CASD1: variants seen among roughly 807,000 people sequenced by gnomAD.
The protein encoded by CASD1 is CAS1 domain sialic acid O acetyltransferase 1, also known as N-acetylneuraminate (7)9-O-acetyltransferase.
Under a neutral mutation model 100.0 loss-of-function variants are expected in CASD1, and 41 were observed. That is an observed-to-expected ratio of 0.41 (90% CI 0.32 to 0.53). The LOEUF (loss-of-function observed/expected upper bound fraction) is 0.53, where lower values mean the gene tolerates loss of function less well. CASD1 is among the 20% of genes least tolerant of loss of function. The pLI is 0.25. For missense variants in CASD1, 774 were observed against 948.7 expected (o/e 0.82, Z 2.42); for synonymous variants, 321 against 315.6 (o/e 1.02, Z -0.18).
intron 16 of CASD1, chr7:94,553,126 T>C: frequency 2.1e-6 from 1 of 478,222 alleles, no homozygotes; most frequent in Non-Finnish European, 4.1e-6. Flanking sequence ...TTTGTTTAGG[T>C]CTCACATTCA....
rs1312265253 is a variant in CASD1, at chr7:94,509,882, A to G, written c.-203A>G. On this transcript the variant is annotated 5_prime_UTR_variant, in exon 1 of 18. Coordinates refer to ENST00000297273, the MANE Select transcript of CASD1 (RefSeq NM_022900.5). ...CGGCGGGGCTGGGGGGAGGCCGCCG[A>G]GTCGGCCGCGGCCGAGGAGGGGCAG... 1 of 1,042,144 alleles carries G rather than the reference A, an allele frequency of 9.6e-7. No individual in the cohort carries two copies. The highest frequency in any genetic ancestry group is 1.2e-6 in the Non-Finnish European group (1 of 867,408). 64.6% of individuals were successfully genotyped at this position (1,042,144 alleles called of 1,614,324 possible).
intron 10 of CASD1, among the ~76,000 whole-genome samples, chr7:94,544,055 T>C (rs1485251099): frequency 1.3e-5 from 2 of 152,208 alleles, no homozygotes; most frequent in African/African-American, 2.4e-5. Context: ...AGCTATCATA[T>C]TGAATTTTAA....
chr7:94,612,932 C>T, the CASD1 span, among the ~76,000 whole-genome samples: 1 of 152,144 alleles, frequency 6.6e-6, no homozygotes, highest in African/African-American at 2.4e-5. Flanking sequence ...CCTGAAATAA[C>T]TCTCATACAC....
intron 1 of CASD1, among the ~76,000 whole-genome samples, chr7:94,514,935 A>G (rs919401097): frequency 6.6e-6 from 1 of 152,076 alleles, no homozygotes; most frequent in South Asian, 2.1e-4. Context: ...TGTTAGGTTT[A>G]TATTTAGTGA....
At chr7:94,544,286 C>T (rs982244364) in intron 10 of CASD1, 125 bp from the exon 11 acceptor site, 19 of 1,183,588 alleles carry the variant, frequency 1.6e-5, no homozygotes, top group Admixed American at 2.3e-5. Flanking sequence ...TGAGAATCAA[C>T]TTTGTGATTG....
At chr7:94,615,080 G>T in the CASD1 span, among the ~76,000 whole-genome samples, 1 of 152,176 alleles carries the variant, frequency 6.6e-6, no homozygotes, top group South Asian at 2.1e-4. Context: ...GGGCAATTCA[G>T]CCAGGCACAG....
At chr7:94,568,489 A>G in the CASD1 span, among the ~76,000 whole-genome samples, 1 of 152,194 alleles carries the variant, frequency 6.6e-6, no homozygotes, top group Non-Finnish European at 1.5e-5. Flanking sequence ...GTTAGAAAAA[A>G]ATTTTTGCAA....
At chr7:94,539,179 A>G in intron 10 of CASD1, 123 bp downstream of exon 10, 2 of 436,006 alleles carry the variant, frequency 4.6e-6, no homozygotes, top group Non-Finnish European at 8.1e-6. Context: ...CTTATTTCCC[A>G]CTTAATCTTT....
In CASD1 at chr7:94,530,230, C is replaced by T. The variant is rs532512239; in HGVS notation, c.459+1980C>T. Among the ~76,000 whole-genome samples the T allele has an allele frequency of 1.1e-4, 17 of 152,152 alleles. No individual in the cohort carries two copies. In the South Asian group the frequency reaches 2.1e-3, roughly 19 times the overall value. ...TGGTCTTGAAGGTGAGTGTGGGGAA[C>T]GAGAAGTGGGGTTATTTCCTGCAAA... On this transcript the variant is annotated intron_variant, in intron 5 of 17. Coordinates refer to ENST00000297273, the MANE Select transcript of CASD1 (RefSeq NM_022900.5).
At chr7:94,575,177 G>A in the CASD1 span, among the ~76,000 whole-genome samples, 1 of 152,014 alleles carries the variant, frequency 6.6e-6, no homozygotes, top group South Asian at 2.1e-4. Flanking sequence ...TTTTGATCTG[G>A]GTATTTAGTG....
At chr7:94,593,839 C>T in the CASD1 span, among the ~76,000 whole-genome samples, 1 of 152,048 alleles carries the variant, frequency 6.6e-6, no homozygotes. Context: ...AATAACAACC[C>T]TTCTTACTCA....
At chr7:94,528,027 A>G (rs947139651) in intron 4 of CASD1, among the ~76,000 whole-genome samples, 161 bp from the exon 5 acceptor site, 16 of 152,348 alleles carry the variant, frequency 1.1e-4, no homozygotes, top group African/African-American at 3.6e-4. Flanking sequence ...AAGGAGAACT[A>G]TTGTAAGACT....
the CASD1 span, chr7:94,619,761 A>C: frequency 6.6e-6 from 1 of 152,232 alleles, no homozygotes; most frequent in East Asian, 1.9e-4. Context: ...AATTCTCACA[A>C]CAAGAGGGTG....
the CASD1 span, among the ~76,000 whole-genome samples, chr7:94,582,735 C>T: frequency 6.6e-6 from 1 of 152,316 alleles, no homozygotes; most frequent in Admixed American, 6.5e-5. Flanking sequence ...ACTTTTATAG[C>T]ATCAATTACT....
chr7:94,587,759 A>G, the CASD1 span: 2 of 1,536,604 alleles, frequency 1.3e-6, no homozygotes, highest in Non-Finnish European at 1.8e-6. Flanking sequence ...AATCTGATGA[A>G]CAATTTCATT....
chr7:94,511,281 C>T (rs895520964), intron 1 of CASD1, among the ~76,000 whole-genome samples: 1 of 152,020 alleles, frequency 6.6e-6, no homozygotes, highest in African/African-American at 2.4e-5. Flanking sequence ...GCGCTGTGCC[C>T]GTTTAAATTT....
the CASD1 span, chr7:94,619,201 T>G: frequency 2.6e-6 from 1 of 391,924 alleles, no homozygotes; most frequent in South Asian, 4.0e-5. Context: ...ATCAGGGCAA[T>G]TTATAGTTAT....
the CASD1 span, chr7:94,620,251 G>A: frequency 2.0e-5 from 3 of 152,184 alleles, no homozygotes; most frequent in East Asian, 1.9e-4. Flanking sequence ...AGAAACTAAC[G>A]CTTCAGAATT....
chr7:94,548,366 A>G (rs185456651), intron 13 of CASD1, among the ~76,000 whole-genome samples: 19 of 151,920 alleles, frequency 1.3e-4, no homozygotes, highest in African/African-American at 3.9e-4. Flanking sequence ...TATGTTACAT[A>G]TGTATGATCC....
Sources: gnomAD v4.1 joint callset for allele counts (sites outside exome capture counted in the v4.1 genomes callset) on GRCh38, gnomAD v4.1.1 for gene constraint, MANE v1.5 for transcripts, NCBI Gene and HGNC (gene_info 2026-07-23, HGNC 2026-07-21) for gene names.